CCSER2: variants seen among roughly 807,000 people sequenced by gnomAD.
CCSER2 encodes coiled-coil serine rich protein 2.
In CCSER2, 46 loss-of-function variants were observed where a neutral mutation model predicts 92.3. The observed-to-expected ratio is 0.50, with a 90% CI of 0.39 to 0.64. CCSER2 has a LOEUF of 0.64. Ranked by LOEUF, CCSER2 falls within the 30% of genes least tolerant of loss-of-function variation. CCSER2 has a pLI of 0.00. For missense variants in CCSER2, 1,244 were observed against 1,238.9 expected (o/e 1.00, Z -0.06); for synonymous variants, 433 against 431.4 (o/e 1.00, Z -0.04).
At chr10:84,335,449 A>C in intron 1 of CCSER2, among the ~76,000 whole-genome samples, 1 of 151,590 alleles carries the variant, frequency 6.6e-6, no homozygotes. Context: ...TCCCCATGTT[A>C]CCCAGGCTGG....
chr10:84,404,776 C>T (rs1842294852), intron 3 of CCSER2, among the ~76,000 whole-genome samples: 1 of 152,144 alleles, frequency 6.6e-6, no homozygotes, highest in Non-Finnish European at 1.5e-5. Context: ...TAGTTATAAA[C>T]TTGAGTAAAT....
chr10:84,354,767 C>G (rs1308852595), intron 1 of CCSER2, among the ~76,000 whole-genome samples: 2 of 151,656 alleles, frequency 1.3e-5, no homozygotes, highest in African/African-American at 4.8e-5. Flanking sequence ...CTCGCGTATG[C>G]TCTCTAGATA....
At chr10:84,509,868 C>T (rs914084941) in intron 9 of CCSER2, among the ~76,000 whole-genome samples, 1 of 152,164 alleles carries the variant, frequency 6.6e-6, no homozygotes, top group East Asian at 1.9e-4. Flanking sequence ...TTTTTGGATA[C>T]AAGCCAATAC....
chr10:84,383,272 C>G (rs549123770), intron 3 of CCSER2, among the ~76,000 whole-genome samples: 4 of 152,086 alleles, frequency 2.6e-5, no homozygotes, highest in Admixed American at 2.6e-4. Flanking sequence ...TTATTTAACT[C>G]TAAGGAAGAG....
At chr10:84,512,892 C>CT (rs1202984712) in intron 9 of CCSER2, among the ~76,000 whole-genome samples, 5 of 152,206 alleles carry the variant, frequency 3.3e-5, no homozygotes, top group Non-Finnish European at 7.3e-5. Context: ...AGCTAAATGT[C>CT]TCGACCTATA....
rs762089224 is a variant in CCSER2 at position 84,517,305 on chromosome 10, C to G, written c.*3038C>G. ...GCTTGGCCTAAGGAGTTTATTGGTA[C>G]AGGTGCAGATGATTTTAAGGCATTA... On this transcript the variant is annotated 3_prime_UTR_variant, in exon 10 of 10. Coordinates refer to ENST00000372088, the MANE Select transcript of CCSER2 (RefSeq NM_001284240.2). 4 of 152,588 alleles carry G rather than the reference C, an allele frequency of 2.6e-5. No individual in the cohort carries two copies. The highest frequency in any genetic ancestry group is 6.5e-5 in the Admixed American group (1 of 15,274). The allele number at this position is 152,588 out of a possible 1,614,324, so 9.5% of individuals were successfully genotyped here.
chr10:84,354,250 C>CTTT (rs536114225), intron 1 of CCSER2, among the ~76,000 whole-genome samples: 2,168 of 145,900 alleles, frequency 0.015, 51 homozygotes, highest in African/African-American at 0.051. Context: ...TCTCAAGTTA[C>CTTT]TTTTTTTTTT....
intron 6 of CCSER2, among the ~76,000 whole-genome samples, chr10:84,460,167 G>A (rs1479480025): frequency 1.4e-5 from 2 of 139,714 alleles, no homozygotes; most frequent in African/African-American, 2.6e-5. Flanking sequence ...TTGGTTCACT[G>A]CAACCTCTGC....
chr10:84,392,869 C>A (rs567558604), intron 3 of CCSER2, among the ~76,000 whole-genome samples: 18 of 152,156 alleles, frequency 1.2e-4, no homozygotes, highest in Non-Finnish European at 2.5e-4. Flanking sequence ...GGTTGCACTT[C>A]ATTAGATTTA....
intron 4 of CCSER2, chr10:84,425,138 A>C: frequency 1.0e-6 from 1 of 984,894 alleles, no homozygotes; most frequent in Non-Finnish European, 1.2e-6. Context: ...TTGTTGCTGC[A>C]AACTACTGGC....
At chr10:84,447,698 A>T (rs942932452) in intron 6 of CCSER2, among the ~76,000 whole-genome samples, 3 of 152,190 alleles carry the variant, frequency 2.0e-5, no homozygotes, top group Non-Finnish European at 4.4e-5. Flanking sequence ...ATAACTTGGA[A>T]TTGATTTTGG....
At position 84,414,809 on chromosome 10, in the gene CCSER2, C is replaced by A. The variant is rs190566000; in HGVS notation, c.1615-2962C>A. Reference sequence around the variant, plus strand: ...ATCAGTTATAGGTTTGGTCTCTTTACATAATTGCATATTTTTCAGAGGTTT... The same window carrying A: ...ATCAGTTATAGGTTTGGTCTCTTTAAATAATTGCATATTTTTCAGAGGTTT... On this transcript the variant is annotated intron_variant, in intron 3 of 9. Transcript: ENST00000372088. Among the ~76,000 whole-genome samples the A allele has an allele frequency of 2.0e-5, 3 of 152,268 alleles. No homozygotes were observed. The East Asian group carries it at 5.8e-4, about 29-fold the overall frequency.
chr10:84,463,989 A>G lies in CCSER2; in HGVS notation c.2121A>G (p.Glu707=). The part of the protein sequence containing the change: ...DIQLSLPSSP[E]PEDGDKVYKN... ...AACTGTCATTGCCATCCAGTCCAGAACCAGAAGATGGTGATAAAGTATATA... is the reference window on the plus strand; with the variant it reads ...AACTGTCATTGCCATCCAGTCCAGAGCCAGAAGATGGTGATAAAGTATATA... Residue 707 remains glutamate, a synonymous_variant, in exon 7 of 10, where the codon GAA becomes GAG. Coordinates refer to ENST00000372088, the MANE Select transcript of CCSER2 (RefSeq NM_001284240.2). 1 of 1,609,860 alleles carries G rather than the reference A, an allele frequency of 6.2e-7. No homozygotes were observed. Among genetic ancestry groups the G allele is most frequent in the Non-Finnish European group, 8.5e-7 (1 of 1,176,478 alleles).
intron 3 of CCSER2, among the ~76,000 whole-genome samples, chr10:84,412,743 G>A (rs1431551970): frequency 6.6e-6 from 1 of 152,158 alleles, no homozygotes; most frequent in African/African-American, 2.4e-5. Flanking sequence ...AGGAAATGGT[G>A]TATCAAGTGA....
At chr10:84,329,342 ATAAAG>A (rs1392152047) in intron 1 of CCSER2, among the ~76,000 whole-genome samples, 1 of 152,178 alleles carries the variant, frequency 6.6e-6, no homozygotes, top group Non-Finnish European at 1.5e-5. Context: ...TACTTTCTTG[ATAAAG>A]TAAAAGGAGG....
intron 9 of CCSER2, among the ~76,000 whole-genome samples, chr10:84,498,287 G>T (rs1053907733): frequency 6.6e-6 from 1 of 152,338 alleles, no homozygotes; most frequent in Admixed American, 6.5e-5. Flanking sequence ...ATAACAGCAG[G>T]TAGTATCTAT....
At chr10:84,443,499 CTGGAGAGGA>C (rs1320812849) in intron 6 of CCSER2, among the ~76,000 whole-genome samples, 1 of 152,150 alleles carries the variant, frequency 6.6e-6, no homozygotes, top group East Asian at 1.9e-4. Context: ...ACAACAGGTG[CTGGAGAGGA>C]TGTGGAGAAA....
At chr10:84,472,194 G>A (rs189015850) in intron 8 of CCSER2, among the ~76,000 whole-genome samples, 6 of 152,232 alleles carry the variant, frequency 3.9e-5, no homozygotes, top group Admixed American at 3.9e-4. Flanking sequence ...TTTCCTTGAG[G>A]ATCTAAAGCA....
chr10:84,457,686 A>G (rs921671609), intron 6 of CCSER2, among the ~76,000 whole-genome samples: 8 of 126,582 alleles, frequency 6.3e-5, no homozygotes, highest in Non-Finnish European at 1.3e-4. Context: ...TATATAAATT[A>G]TATATATTTA....
Sources: allele counts gnomAD v4.1 joint callset (sites outside exome capture counted in the v4.1 genomes callset), GRCh38; gene constraint gnomAD v4.1.1; transcripts MANE v1.5; gene names NCBI Gene and HGNC (gene_info 2026-07-23, HGNC 2026-07-21).